RABEP1: variants seen among roughly 807,000 people sequenced by gnomAD.
RABEP1 encodes rabaptin, RAB GTPase binding effector protein 1, also known as rab GTPase-binding effector protein 1.
A neutral mutation model predicts 123.4 loss-of-function variants in RABEP1; 51 were observed. The ratio of observed to expected loss-of-function variants is 0.41; its 90% CI spans 0.33 to 0.52. The LOEUF (loss-of-function observed/expected upper bound fraction) is 0.52, where lower values mean the gene tolerates loss of function less well. Among genes scored for constraint, RABEP1 ranks in the 20% least tolerant of loss-of-function variants. The pLI is 0.16. For synonymous variants in RABEP1, 347 were observed against 355.2 expected, an observed-to-expected ratio of 0.98 and a Z score of 0.26; for missense variants, 888 against 996.3, an observed-to-expected ratio of 0.89 and a Z score of 1.46.
At chr17:5,322,317 C>A (rs1905449225) in intron 2 of RABEP1, among the ~76,000 whole-genome samples, 1 of 151,920 alleles carries the variant, frequency 6.6e-6, no homozygotes, top group African/African-American at 2.4e-5. Context: ...ATGATTGTGC[C>A]ACTCTGCATG....
At chr17:5,378,481 A>T in intron 15 of RABEP1, 1 of 573,800 alleles carries the variant, frequency 1.7e-6, no homozygotes, top group Non-Finnish European at 3.2e-6. Context: ...TTTCCAGTGT[A>T]GTGAGAAGAT....
At position 5,377,174 on chromosome 17, in the gene RABEP1, C is replaced by A; in HGVS notation, c.2084C>A (p.Ala695Glu). Reference protein sequence around the residue: ...REDIINVRTAADHVEEKLKAE... With the variant: ...REDIINVRTAEDHVEEKLKAE... ...GACATCATTAATGTGCGGACAGCAG[C>A]AGACCACGTAGAAGAAAAGCTGAAG... Residue 695 changes from alanine to glutamate, a missense_variant, in exon 14 of 18, where the codon GCA becomes GAA. Transcript: ENST00000537505. The A allele has an allele frequency of 6.2e-7, 1 of 1,612,788 alleles. No individual in the cohort carries two copies. The highest frequency in any genetic ancestry group is 8.5e-7 in the Non-Finnish European group (1 of 1,179,662).
intron 5 of RABEP1, among the ~76,000 whole-genome samples, chr17:5,344,104 A>G (rs1439044929): frequency 6.6e-6 from 1 of 152,230 alleles, no homozygotes; most frequent in East Asian, 1.9e-4. Context: ...GAAGCTACAG[A>G]CTATAAGAAG....
intron 10 of RABEP1, among the ~76,000 whole-genome samples, chr17:5,364,758 A>T (rs1008611296): frequency 4.6e-5 from 7 of 151,762 alleles, no homozygotes; most frequent in African/African-American, 1.7e-4. Flanking sequence ...AGAGGCATTT[A>T]GAGTTTTAAG....
intron 1 of RABEP1, among the ~76,000 whole-genome samples, chr17:5,301,398 A>AG (rs1328663675): frequency 5.9e-5 from 9 of 152,186 alleles, no homozygotes; most frequent in Non-Finnish European, 1.2e-4. Context: ...AACTCATAAA[A>AG]TGGAAATTTC....
intron 5 of RABEP1, among the ~76,000 whole-genome samples, chr17:5,341,172 T>C: frequency 6.6e-6 from 1 of 151,884 alleles, no homozygotes; most frequent in Non-Finnish European, 1.5e-5. Flanking sequence ...TCCTAGCACT[T>C]TGTGAGGCTG....
At chr17:5,307,908 A>G (rs2075195496) in intron 1 of RABEP1, among the ~76,000 whole-genome samples, 1 of 147,092 alleles carries the variant, frequency 6.8e-6, no homozygotes. Context: ...TCTCAGTATA[A>G]TGGTAATGGA....
intron 1 of RABEP1, among the ~76,000 whole-genome samples, chr17:5,297,414 G>A (rs2075093552): frequency 6.6e-6 from 1 of 152,126 alleles, no homozygotes; most frequent in African/African-American, 2.4e-5. Context: ...CTAGGAGGTG[G>A]TATTACACCG....
intron 11 of RABEP1, among the ~76,000 whole-genome samples, chr17:5,367,052 G>A (rs145153543): frequency 0.03 from 4,496 of 150,964 alleles, 82 homozygotes; most frequent in Middle Eastern, 0.066. Flanking sequence ...TCATGCCATT[G>A]CACTCCCGCC....
rs1344377946 is a variant in RABEP1 at position 5,284,571 on chromosome 17, A to G, written c.34+2051A>G. Among the ~76,000 whole-genome samples the G allele has an allele frequency of 5.3e-5, 8 of 151,806 alleles. No homozygotes were observed. The South Asian group carries it at 1.0e-3, about 20-fold the overall frequency. On this transcript the variant is annotated intron_variant, in intron 1 of 17. Coordinates refer to ENST00000537505, the MANE Select transcript of RABEP1 (RefSeq NM_004703.6). Reference sequence around the variant, plus strand: ...GCCTCGACCTCCTGGGGTCAAAGCAATCCTGCTACCTCAGCCTCCCAAGTA... The same window carrying G: ...GCCTCGACCTCCTGGGGTCAAAGCAGTCCTGCTACCTCAGCCTCCCAAGTA...
At chr17:5,356,217 G>A (rs746963703) in intron 8 of RABEP1, among the ~76,000 whole-genome samples, 17 of 152,072 alleles carry the variant, frequency 1.1e-4, no homozygotes, top group African/African-American at 2.4e-4. Flanking sequence ...TTAGCTGGGC[G>A]AGGTGGTGGA....
At chr17:5,299,731 C>CTTTTTTTTTT (rs1171650180) in intron 1 of RABEP1, among the ~76,000 whole-genome samples, 1 of 96,862 alleles carries the variant, frequency 1.0e-5, no homozygotes. Flanking sequence ...TTTTCTTTTT[C>CTTTTTTTTTT]TTTTTTTTTT....
At chr17:5,328,886 G>A (rs1263673355) in intron 2 of RABEP1, among the ~76,000 whole-genome samples, 1 of 151,560 alleles carries the variant, frequency 6.6e-6, no homozygotes, top group Non-Finnish European at 1.5e-5. Flanking sequence ...GGGCGGCAGA[G>A]GTTGCGCCAC....
At chr17:5,322,133 G>A (rs1905427323) in intron 2 of RABEP1, among the ~76,000 whole-genome samples, 1 of 152,160 alleles carries the variant, frequency 6.6e-6, no homozygotes, top group Admixed American at 6.5e-5. Context: ...CCAGAGGGCG[G>A]AGGTTGCAGT....
rs1237301891 is a variant in RABEP1 at position 5,332,054 on chromosome 17, C to T, written c.269C>T (p.Ala90Val). 5.0e-6 allele frequency: 8 copies of T among 1,613,874 alleles called. No individual in the cohort carries two copies. Among genetic ancestry groups the T allele is most frequent in the Non-Finnish European group, 2.5e-6 (3 of 1,180,008 alleles). The part of the protein sequence containing the change: ...EAQAEMENIK[A>V]IATVSENTKQ... ...CAAGCAGAGATGGAGAATATTAAGG[C>T]GATTGCCACAGTCTCTGAGAACACC... The change falls in exon 3 of 18, where the codon GCG (alanine) becomes GTG (valine). Residue 90 changes from alanine (A) to valine (V), a missense_variant. By Grantham distance (64) the Ala-to-Val change is moderately conservative (BLOSUM62 0). Coordinates refer to ENST00000537505, the MANE Select transcript of RABEP1 (RefSeq NM_004703.6).
intron 1 of RABEP1, among the ~76,000 whole-genome samples, chr17:5,289,797 TG>T (rs1287697222): frequency 6.6e-6 from 1 of 152,178 alleles, no homozygotes; most frequent in Non-Finnish European, 1.5e-5. Flanking sequence ...AATTATAACT[TG>T]GTAAATCTCC....
chr17:5,350,817 C>T (rs1908478082), intron 7 of RABEP1, among the ~76,000 whole-genome samples, 188 bp downstream of exon 7: 1 of 152,022 alleles, frequency 6.6e-6, no homozygotes, highest in Non-Finnish European at 1.5e-5. Flanking sequence ...GAAATGGCCT[C>T]CTCTCGGGGG....
chr17:5,341,645 A>G (rs1597370841), intron 5 of RABEP1, among the ~76,000 whole-genome samples: 1 of 152,208 alleles, frequency 6.6e-6, no homozygotes, highest in Non-Finnish European at 1.5e-5. Flanking sequence ...GCAAACACAT[A>G]GAAAGGTAGT....
intron 2 of RABEP1, among the ~76,000 whole-genome samples, chr17:5,328,764 A>G (rs1424708962): frequency 6.6e-6 from 1 of 151,386 alleles, no homozygotes; most frequent in Non-Finnish European, 1.5e-5. Flanking sequence ...CAGCCAGGCC[A>G]AGATGGTGAA....
Sources: gnomAD v4.1 joint callset for allele counts (sites outside exome capture counted in the v4.1 genomes callset) on GRCh38, gnomAD v4.1.1 for gene constraint, MANE v1.5 for transcripts, NCBI Gene and HGNC (gene_info 2026-07-23, HGNC 2026-07-21) for gene names.